The following SPIDR variants were observed in gnomAD, a reference collection of about 807,000 sequenced individuals.
SPIDR encodes the protein scaffold protein involved in DNA repair, also known as DNA repair-scaffolding protein.
A neutral mutation model predicts 104.6 loss-of-function variants in SPIDR; 93 were observed. The observed-to-expected ratio is 0.89, with a 90% CI of 0.75 to 1.06. The LOEUF (loss-of-function observed/expected upper bound fraction) is 1.06, where lower values mean the gene tolerates loss of function less well. SPIDR is among the 50% of genes least tolerant of loss of function. SPIDR has a pLI of 0.00. For missense variants in SPIDR, 1,154 were observed against 1,111.2 expected (o/e 1.04, Z -0.55); for synonymous variants, 431 against 416.9 (o/e 1.03, Z -0.41).
At chr8:47,664,212 T>C (rs1445656834) in intron 10 of SPIDR, among the ~76,000 whole-genome samples, 1 of 151,844 alleles carries the variant, frequency 6.6e-6, no homozygotes, top group Non-Finnish European at 1.5e-5. Flanking sequence ...AGCAAATGAG[T>C]CAGGCCAAGA....
chr8:47,693,138 G>A (rs1268999181), intron 11 of SPIDR, among the ~76,000 whole-genome samples: 1 of 152,212 alleles, frequency 6.6e-6, no homozygotes, highest in Non-Finnish European at 1.5e-5. Context: ...AATCTTGTTG[G>A]AGGAAATCCA....
At chr8:47,347,704 G>A (rs577582971) in intron 5 of SPIDR, among the ~76,000 whole-genome samples, 2 of 152,174 alleles carry the variant, frequency 1.3e-5, no homozygotes, top group South Asian at 2.1e-4. Context: ...TTATGTAATG[G>A]CCTTCTTTGT....
At chr8:47,619,275 T>A (rs183567317) in intron 10 of SPIDR, among the ~76,000 whole-genome samples, 1 of 152,322 alleles carries the variant, frequency 6.6e-6, no homozygotes, top group Admixed American at 6.5e-5. Context: ...TTTAAATAAT[T>A]TAGATGTTTG....
chr8:47,449,536 A>T (rs959952403), intron 8 of SPIDR, among the ~76,000 whole-genome samples: 2 of 152,218 alleles, frequency 1.3e-5, no homozygotes, highest in Non-Finnish European at 2.9e-5. Flanking sequence ...GCTGGCTCCT[A>T]TTGAAGAGAC....
chr8:47,619,361 A>G (rs975985832), intron 10 of SPIDR, among the ~76,000 whole-genome samples: 1 of 152,176 alleles, frequency 6.6e-6, no homozygotes, highest in Non-Finnish European at 1.5e-5. Flanking sequence ...CTTAAATACT[A>G]GTTACAAATT....
chr8:47,365,976 G>GCACA (rs59590542), intron 5 of SPIDR, among the ~76,000 whole-genome samples: 61 of 148,778 alleles, frequency 4.1e-4, no homozygotes, highest in African/African-American at 8.8e-4. Context: ...ACATGCACAA[G>GCACA]CACACACACA....
chr8:47,641,427 T>G (rs1173798184), intron 10 of SPIDR, among the ~76,000 whole-genome samples: 2 of 152,242 alleles, frequency 1.3e-5, no homozygotes, highest in African/African-American at 2.4e-5. Context: ...AGATTTGTTA[T>G]AGATTCATTC....
intron 8 of SPIDR, among the ~76,000 whole-genome samples, chr8:47,485,626 C>T (rs1395108813): frequency 6.6e-6 from 1 of 152,228 alleles, no homozygotes; most frequent in African/African-American, 2.4e-5. Flanking sequence ...TGACACCTAA[C>T]ACCTGACACT....
chr8:47,722,898 G>A (rs1391462383), intron 16 of SPIDR, among the ~76,000 whole-genome samples: 2 of 151,818 alleles, frequency 1.3e-5, no homozygotes, highest in African/African-American at 4.8e-5. Flanking sequence ...GAGTGCATTG[G>A]TGTGATCATA....
intron 16 of SPIDR, among the ~76,000 whole-genome samples, chr8:47,726,569 C>T (rs1264205465): frequency 6.6e-6 from 1 of 152,248 alleles, no homozygotes; most frequent in Non-Finnish European, 1.5e-5. Context: ...TCAGCCCTGC[C>T]ATGGTGTGCA....
intron 8 of SPIDR, among the ~76,000 whole-genome samples, chr8:47,452,705 C>T (rs879990403): frequency 2.0e-5 from 3 of 152,104 alleles, no homozygotes; most frequent in South Asian, 2.1e-4. Flanking sequence ...ATTGATGGGA[C>T]GTATCTCAAA....
intron 8 of SPIDR, among the ~76,000 whole-genome samples, chr8:47,582,078 G>A (rs558862993): frequency 8.6e-5 from 13 of 151,948 alleles, no homozygotes; most frequent in Admixed American, 1.3e-4. Flanking sequence ...TTAGCCAGGC[G>A]TGGTGGCGGG....
intron 10 of SPIDR, among the ~76,000 whole-genome samples, chr8:47,659,941 A>G (rs1349505886): frequency 6.6e-6 from 1 of 152,166 alleles, no homozygotes; most frequent in Non-Finnish European, 1.5e-5. Flanking sequence ...TCACGTAAAC[A>G]TCCCACATAG....
chr8:47,292,526 CAT>C (rs1169162930), intron 4 of SPIDR, among the ~76,000 whole-genome samples: 11 of 152,290 alleles, frequency 7.2e-5, no homozygotes, highest in East Asian at 1.9e-4. Flanking sequence ...TGGGATTACA[CAT>C]GTGAGCTGTC....
chr8:47,619,512 G>A (rs949650294), intron 10 of SPIDR, among the ~76,000 whole-genome samples: 12 of 152,006 alleles, frequency 7.9e-5, no homozygotes, highest in African/African-American at 2.9e-4. Context: ...TGGATCTTCT[G>A]CCCCTTGGAA....
chr8:47,550,275 T>C (rs889830252), intron 8 of SPIDR, among the ~76,000 whole-genome samples: 2 of 152,232 alleles, frequency 1.3e-5, no homozygotes, highest in East Asian at 1.9e-4. Flanking sequence ...ATATGAACTT[T>C]AAAGTAGTTT....
chr8:47,721,911 A>G (rs2083456226), intron 16 of SPIDR, among the ~76,000 whole-genome samples: 1 of 152,154 alleles, frequency 6.6e-6, no homozygotes, highest in African/African-American at 2.4e-5. Flanking sequence ...GTTGATATCC[A>G]CAAAATAACT....
chr8:47,371,926 G>A (rs1377242776), intron 5 of SPIDR, among the ~76,000 whole-genome samples: 1 of 152,128 alleles, frequency 6.6e-6, no homozygotes, highest in Non-Finnish European at 1.5e-5. Context: ...TGACTACATG[G>A]TGACTCTCCA....
chr8:47,555,835 C>A (rs147445940), intron 8 of SPIDR, among the ~76,000 whole-genome samples: 4 of 151,018 alleles, frequency 2.6e-5, no homozygotes, highest in Non-Finnish European at 5.9e-5. Flanking sequence ...GGAAATAATA[C>A]CACACTGTAA....
Sources: allele counts gnomAD v4.1 joint callset (sites outside exome capture counted in the v4.1 genomes callset), GRCh38; gene constraint gnomAD v4.1.1; transcripts MANE v1.5; gene names NCBI Gene and HGNC (gene_info 2026-07-23, HGNC 2026-07-21).